Variants in TNIP3 observed in about 807,000 individuals in gnomAD.
TNIP3 encodes TNFAIP3-interacting protein 3.
Under a neutral mutation model 54.1 loss-of-function variants are expected in TNIP3, and 34 were observed. That is an observed-to-expected ratio of 0.63 (90% confidence interval 0.48 to 0.84). TNIP3 has a LOEUF of 0.84. Ranked by LOEUF, TNIP3 falls within the 40% of genes least tolerant of loss-of-function variation. The pLI is 0.00. For synonymous variants in TNIP3, 134 were observed against 136.8 expected (o/e 0.98, Z 0.14); for missense variants, 366 against 387.6 (o/e 0.94, Z 0.47).
chr4:121,205,840 G>C (rs1323422679), intron 2 of TNIP3, among the ~76,000 whole-genome samples: 2 of 152,084 alleles, frequency 1.3e-5, no homozygotes, highest in Non-Finnish European at 2.9e-5. Flanking sequence ...ACCTGAGACT[G>C]GGTAATTTAC....
chr4:121,156,133 A>T (rs377143494), intron 4 of TNIP3, among the ~76,000 whole-genome samples: 1 of 152,334 alleles, frequency 6.6e-6, no homozygotes, highest in African/African-American at 2.4e-5. Context: ...TGACAAAGAC[A>T]TCCTCAGCAA....
At chr4:121,134,227 G>C (rs1381586531) in intron 10 of TNIP3, among the ~76,000 whole-genome samples, 5 of 152,020 alleles carry the variant, frequency 3.3e-5, no homozygotes, top group African/African-American at 1.2e-4. Flanking sequence ...TCCATCTCTG[G>C]CTCATTAGAC....
At chr4:121,184,103 G>A (rs1190611566) in intron 2 of TNIP3, among the ~76,000 whole-genome samples, 3 of 151,436 alleles carry the variant, frequency 2.0e-5, no homozygotes, top group Non-Finnish European at 1.5e-5. Context: ...CAACTCACAA[G>A]GAAAAATGCA....
chr4:121,162,117 T>C lies in TNIP3; in HGVS notation c.67-901A>G, dbSNP rs190771748. ...GTTGCTTAAAGCTATTTGTGAACCA[T>C]TAAGAAATATTTTCAAAACATGTTG... On this transcript the variant is annotated intron_variant, in intron 1 of 10. Transcript: ENST00000057513. 5.3e-5 allele frequency among the ~76,000 whole-genome samples: 8 copies of C among 152,326 alleles called. No homozygotes were observed. In the East Asian group the frequency reaches 1.5e-3, roughly 29 times the overall value.
upstream of TNIP3, among the ~76,000 whole-genome samples, chr4:121,167,884 AATTGTC>A (rs1730849978): frequency 6.6e-6 from 1 of 152,136 alleles, no homozygotes; most frequent in African/African-American, 2.4e-5. Flanking sequence ...TTAATTGCTT[AATTGTC>A]ATCTCTGCTT....
chr4:121,169,646 A>C (rs1730962248), intron 3 of TNIP3, among the ~76,000 whole-genome samples: 1 of 152,178 alleles, frequency 6.6e-6, no homozygotes, highest in Non-Finnish European at 1.5e-5. Context: ...CAAATGTATG[A>C]TGCTCCCAAA....
rs1724739650 is a variant in TNIP3, at chr4:121,181,948, GA to G, written c.189+727del. ...TCAACACTGAGTAAGAACTTCTTTAGAAAGAAGAACTAATGTTATTTTTATA... is the reference window on the plus strand; with the variant it reads ...TCAACACTGAGTAAGAACTTCTTTAGAAGAAGAACTAATGTTATTTTTATA... On this transcript the variant is annotated intron_variant, in intron 3 of 12. Transcript: ENST00000507879. Among the ~76,000 whole-genome samples the G allele has an allele frequency of 1.3e-5, 2 of 151,986 alleles. 1 individual carries two copies. Among genetic ancestry groups the G allele is most frequent in the South Asian group, 4.2e-4 (2 of 4,812 alleles).
upstream of TNIP3, among the ~76,000 whole-genome samples, chr4:121,165,095 G>A (rs1037921628): frequency 2.0e-5 from 3 of 151,742 alleles, no homozygotes; most frequent in Non-Finnish European, 4.4e-5. Flanking sequence ...AGGAAAGAAT[G>A]TGTAACTAAA....
chr4:121,169,588 G>T (rs192467712), intron 3 of TNIP3, among the ~76,000 whole-genome samples: 1 of 152,130 alleles, frequency 6.6e-6, no homozygotes, highest in Non-Finnish European at 1.5e-5. Context: ...GTGCCTGTGC[G>T]TGTTCATGTG....
At chr4:121,176,721 C>G (rs1330882987) in intron 3 of TNIP3, among the ~76,000 whole-genome samples, 1 of 148,798 alleles carries the variant, frequency 6.7e-6, no homozygotes. Context: ...TTTTTTTTTC[C>G]TACAGTGTGG....
chr4:121,226,071 A>G (rs1383408156), intron 1 of TNIP3, among the ~76,000 whole-genome samples: 2 of 151,918 alleles, frequency 1.3e-5, no homozygotes, highest in African/African-American at 4.8e-5. Flanking sequence ...TGATAATTAA[A>G]TATATACTTG....
rs147353465 is a variant in TNIP3, at chr4:121,143,455, A to G, written c.736-679T>C. 2.5e-3 allele frequency among the ~76,000 whole-genome samples: 387 copies of G among 152,296 alleles called. 1 individual carries two copies. Among genetic ancestry groups the G allele is most frequent in the South Asian group, 3.7e-3 (18 of 4,826 alleles). ...CCACATTCCCATAAGGGATGGTCAA[A>G]TATCCCCTTCTGAATGATACCTTTC... On this transcript the variant is annotated intron_variant, in intron 7 of 10. Coordinates refer to ENST00000057513, the MANE Select transcript of TNIP3 (RefSeq NM_024873.6).
intron 4 of TNIP3, among the ~76,000 whole-genome samples, chr4:121,155,309 G>T (rs1328182648): frequency 2.0e-5 from 3 of 152,054 alleles, no homozygotes; most frequent in Admixed American, 2.0e-4. Context: ...GTCACTAGGT[G>T]ATGGATAAGT....
chr4:121,154,783 C>T (rs2148810155), intron 4 of TNIP3, 104 bp from the exon 5 acceptor site: 1 of 1,086,680 alleles, frequency 9.2e-7, no homozygotes, highest in Middle Eastern at 3.1e-4. Flanking sequence ...ATTGAGGGGT[C>T]ACCCTTCTGA....
intron 2 of TNIP3, among the ~76,000 whole-genome samples, chr4:121,193,748 G>A (rs140465712): frequency 2.4e-3 from 363 of 151,994 alleles, no homozygotes; most frequent in African/African-American, 8.3e-3. Flanking sequence ...AAATGATCAA[G>A]GTTAAAATCA....
In TNIP3 at chr4:121,157,169, C is replaced by T. The variant is rs549017290; in HGVS notation, c.288G>A (p.Arg96=). 37 of 1,613,974 alleles carry T rather than the reference C, an allele frequency of 2.3e-5. No homozygotes were observed. In the South Asian group the frequency reaches 3.6e-4, roughly 16 times the overall value. ...CTCTCTGCCTGTCGTCCTTTCTCTG[C>T]CTCTGATGCGGATCCTTCTCCCGCG... ...LSTREKDPHQ[R]QRKDDRQRED... The change falls in exon 4 of 11, where the codon AGG becomes AGA. Residue 96 remains arginine (R), a synonymous_variant. Transcript: ENST00000057513.
chr4:121,152,894 G>A (rs1729845037), intron 5 of TNIP3, among the ~76,000 whole-genome samples: 1 of 151,976 alleles, frequency 6.6e-6, no homozygotes, highest in Non-Finnish European at 1.5e-5. Flanking sequence ...TGGAGGAGTT[G>A]GCACAAAAAT....
Position 121,158,670 on chromosome 4 carries a change from TAGAG to T in TNIP3, c.213+13_213+16del, listed in dbSNP as rs1730259055. ...TAATGGCTTTAAAGAAAATACCGAA[TAGAG>T]AGAGGTATTTACCTTTCTTTCATAT... On this transcript the variant is annotated intron_variant, in intron 3 of 10. Transcript: ENST00000057513. 1 of 1,585,514 alleles carries T rather than the reference TAGAG, an allele frequency of 6.3e-7. No homozygotes were observed. The highest frequency in any genetic ancestry group is 1.1e-5 in the South Asian group (1 of 90,006).
upstream of TNIP3, among the ~76,000 whole-genome samples, chr4:121,220,066 A>G (rs1407548279): frequency 1.3e-5 from 2 of 152,318 alleles, no homozygotes; most frequent in East Asian, 3.9e-4. Flanking sequence ...CTATAAAGTA[A>G]TAGGCTGAAA....
Sources: gnomAD v4.1 joint callset for allele counts (sites outside exome capture counted in the v4.1 genomes callset) on GRCh38, gnomAD v4.1.1 for gene constraint, MANE v1.5 for transcripts, NCBI Gene and HGNC (gene_info 2026-07-23, HGNC 2026-07-21) for gene names.